The following ZC3HAV1 variants were observed in gnomAD, a reference collection of about 807,000 sequenced individuals.
ZC3HAV1 encodes the protein zinc finger CCCH-type antiviral protein 1.
A neutral mutation model predicts 86.6 loss-of-function variants in ZC3HAV1; 41 were observed. The observed-to-expected ratio is 0.47, with a 90% confidence interval of 0.37 to 0.61. ZC3HAV1 has a LOEUF of 0.61. ZC3HAV1 is among the 20% of genes least tolerant of loss of function. The pLI is 0.00. For missense variants in ZC3HAV1, 964 were observed against 1,141.1 expected, an observed-to-expected ratio of 0.84 and a Z score of 2.24; for synonymous variants, 421 against 432.1, an observed-to-expected ratio of 0.97 and a Z score of 0.32.
At chr7:139,097,424 A>ATTTTTTTTTTTT (rs1278585081) in intron 1 of ZC3HAV1, among the ~76,000 whole-genome samples, 37 of 81,182 alleles carry the variant, frequency 4.6e-4, no homozygotes, top group African/African-American at 2.2e-3. Flanking sequence ...ATATATATAT[A>ATTTTTTTTTTTT]TATATTTTTT....
At chr7:139,086,640 C>A (rs1158458328) in intron 2 of ZC3HAV1, among the ~76,000 whole-genome samples, 1 of 152,122 alleles carries the variant, frequency 6.6e-6, no homozygotes, top group Non-Finnish European at 1.5e-5. Context: ...TGGCTGTGTC[C>A]CCACCCAAAT....
intron 1 of ZC3HAV1, among the ~76,000 whole-genome samples, chr7:139,100,634 C>A (rs1817724810): frequency 6.6e-6 from 1 of 152,188 alleles, no homozygotes; most frequent in Non-Finnish European, 1.5e-5. Flanking sequence ...CTGACGATAC[C>A]ACTTGGCCAC....
intron 1 of ZC3HAV1, among the ~76,000 whole-genome samples, chr7:139,094,362 G>A (rs577462079): frequency 2.6e-5 from 4 of 151,976 alleles, no homozygotes; most frequent in South Asian, 2.1e-4. Flanking sequence ...CTCCCCTCTC[G>A]CCAGTACAAA....
Position 139,076,310 on chromosome 7 carries a change from C to A in ZC3HAV1, c.1673G>T (p.Gly558Val). The A allele has an allele frequency of 6.2e-7, 1 of 1,614,164 alleles. No homozygotes were observed. Residue 558 changes from glycine (G) to valine (V), a missense_variant, in exon 6 of 13, where the codon GGC (glycine) becomes GTC (valine). By Grantham distance (109) the Gly-to-Val change is moderately radical. Coordinates refer to ENST00000242351, the MANE Select transcript of ZC3HAV1 (RefSeq NM_020119.4). ...CAGGTGGATTCCGGGGTTACAGTAG[C>A]CTTTCTCGATCGTCTCCATGTGCTC... ...DFEHMETIEK[G>V]YCNPGIHLCS...
At chr7:139,062,822 G>A (rs1032004314) in intron 8 of ZC3HAV1, among the ~76,000 whole-genome samples, 7 of 152,134 alleles carry the variant, frequency 4.6e-5, no homozygotes, top group African/African-American at 1.4e-4. Flanking sequence ...GAGGTCAGGA[G>A]TTTGAGACCA....
intron 7 of ZC3HAV1, among the ~76,000 whole-genome samples, chr7:139,066,201 A>G (rs2130685636): frequency 6.6e-6 from 1 of 152,140 alleles, no homozygotes. Context: ...AATGGCAACA[A>G]ATTTTTCCAA....
chr7:139,062,632 A>G (rs1235998588), intron 8 of ZC3HAV1, among the ~76,000 whole-genome samples: 1 of 152,220 alleles, frequency 6.6e-6, no homozygotes, highest in Non-Finnish European at 1.5e-5. Context: ...TCGAAGAGCA[A>G]CTTCATCACT....
chr7:139,059,001 G>A (rs1382584750), intron 9 of ZC3HAV1, among the ~76,000 whole-genome samples: 3 of 139,050 alleles, frequency 2.2e-5, no homozygotes, highest in Non-Finnish European at 4.6e-5. Context: ...CAAAATTACC[G>A]GAACTTTAAA....
intron 7 of ZC3HAV1, among the ~76,000 whole-genome samples, chr7:139,071,325 C>T (rs1285201159): frequency 6.6e-6 from 1 of 152,048 alleles, no homozygotes; most frequent in Non-Finnish European, 1.5e-5. Flanking sequence ...TGGTTTTGAA[C>T]TCCTGACCTC....
chr7:139,055,433 C>T lies in ZC3HAV1; in HGVS notation c.2097-138G>A, dbSNP rs1816255753. 5 of 600,922 alleles carry T rather than the reference C, an allele frequency of 8.3e-6. No homozygotes were observed. In the South Asian group the frequency reaches 1.1e-4, roughly 13 times the overall value. 37.2% of individuals were successfully genotyped at this position (600,922 alleles called of 1,614,324 possible). On this transcript the variant is annotated intron_variant, in intron 9 of 12. Coordinates refer to ENST00000242351, the MANE Select transcript of ZC3HAV1 (RefSeq NM_020119.4). ...TATTTCTGTATTTTTCTCTGGACTACATCCTCACATATTCCTGGTATAGAT... is the reference window on the plus strand; with the variant it reads ...TATTTCTGTATTTTTCTCTGGACTATATCCTCACATATTCCTGGTATAGAT...
In ZC3HAV1 at chr7:139,073,857, T is replaced by A; in HGVS notation, c.1871A>T (p.Glu624Val). ...ESGTWIQYGE[E>V]KDKRKNSNVD... ...CCTACAAGGAGGAACAGTGCTCACC[T>A]CTTCTCCATACTGAATCCATGTGCC... is the stretch of plus-strand genomic sequence containing the variant. The change falls in exon 7 of 13, where the codon GAG becomes GTG. Residue 624 changes from glutamate (E) to valine (V), a missense_variant and splice_region_variant. Glu to Val is a moderately radical substitution (Grantham distance 121). Coordinates refer to ENST00000242351, the MANE Select transcript of ZC3HAV1 (RefSeq NM_020119.4). The A allele has an allele frequency of 6.2e-7, 1 of 1,610,746 alleles. No homozygotes were observed. The highest frequency in any genetic ancestry group is 8.5e-7 in the Non-Finnish European group (1 of 1,177,896).
At chr7:139,100,039 TAAAA>T (rs1323454978) in intron 1 of ZC3HAV1, among the ~76,000 whole-genome samples, 3 of 151,042 alleles carry the variant, frequency 2.0e-5, no homozygotes, top group Non-Finnish European at 4.4e-5. Flanking sequence ...AAAAAATAAA[TAAAA>T]ATAGTTTTAG....
intron 7 of ZC3HAV1, among the ~76,000 whole-genome samples, chr7:139,069,774 T>G (rs1047028694): frequency 6.6e-6 from 1 of 152,322 alleles, no homozygotes; most frequent in Admixed American, 6.5e-5. Context: ...TGGCAGAAGT[T>G]TCTACTCCTC....
Position 139,106,213 on chromosome 7 carries a change from G to A in ZC3HAV1, c.308+2811C>T, listed in dbSNP as rs959358695. Among the ~76,000 whole-genome samples the A allele has an allele frequency of 4.6e-5, 7 of 152,090 alleles. No homozygotes were observed. In the South Asian group the frequency reaches 8.3e-4, roughly 18 times the overall value. On this transcript the variant is annotated intron_variant, in intron 1 of 12. Transcript: ENST00000242351. ...AAAACAGTTTTGCTGTTTCAAACCA[G>A]GGAAAAATATACCATAATAAACTTC...
intron 1 of ZC3HAV1, among the ~76,000 whole-genome samples, chr7:139,092,363 A>G (rs1563138789): frequency 6.6e-6 from 1 of 152,228 alleles, no homozygotes; most frequent in Non-Finnish European, 1.5e-5. Context: ...AAACAAGGCT[A>G]GGTGATTAAA....
chr7:139,056,937 T>C (rs1816302389), intron 9 of ZC3HAV1, among the ~76,000 whole-genome samples: 1 of 152,220 alleles, frequency 6.6e-6, no homozygotes. Context: ...CTTTGTTACA[T>C]AGGTTAATGA....
chr7:139,094,228 A>G (rs1817514254), intron 1 of ZC3HAV1, among the ~76,000 whole-genome samples: 1 of 152,060 alleles, frequency 6.6e-6, no homozygotes, highest in Admixed American at 6.6e-5. Flanking sequence ...CTAGGGTTGG[A>G]GGCCAAGAAT....
At chr7:139,098,769 C>T (rs1453466687) in intron 1 of ZC3HAV1, among the ~76,000 whole-genome samples, 1 of 152,160 alleles carries the variant, frequency 6.6e-6, no homozygotes, top group Admixed American at 6.5e-5. Flanking sequence ...CTGAGACCAG[C>T]TCCCCTGCTG....
chr7:139,083,692 A>G, intron 3 of ZC3HAV1, 88 bp downstream of exon 3: 2 of 1,463,684 alleles, frequency 1.4e-6, no homozygotes, highest in Non-Finnish European at 1.8e-6. Context: ...ACGCCACTGT[A>G]CTCCAGCTTG....
Sources: gnomAD v4.1 joint callset for allele counts (sites outside exome capture counted in the v4.1 genomes callset) on GRCh38, gnomAD v4.1.1 for gene constraint, MANE v1.5 for transcripts, NCBI Gene and HGNC (gene_info 2026-07-23, HGNC 2026-07-21) for gene names.